Variants in MRTFA observed in about 807,000 individuals in gnomAD.
MRTFA encodes myocardin-related transcription factor A.
In MRTFA, 20 loss-of-function variants were observed where a neutral mutation model predicts 83.5. The ratio of observed to expected loss-of-function variants is 0.24; its 90% CI spans 0.17 to 0.35. The LOEUF (loss-of-function observed/expected upper bound fraction) is 0.35. Among genes scored for constraint, MRTFA ranks in the 10% least tolerant of loss-of-function variants. The pLI is 1.00. For missense variants in MRTFA, 1,200 were observed against 1,224.7 expected (o/e 0.98, Z 0.30); for synonymous variants, 659 against 541.2 (o/e 1.22, Z -3.02).
chr22:40,603,750 T>C (rs2056285865), intron 1 of MRTFA, among the ~76,000 whole-genome samples: 1 of 151,490 alleles, frequency 6.6e-6, no homozygotes, highest in South Asian at 2.1e-4. Flanking sequence ...TGGTCACATG[T>C]TGAAAAAAAA....
At chr22:40,487,759 G>A (rs1404890928) in intron 3 of MRTFA, among the ~76,000 whole-genome samples, 2 of 152,198 alleles carry the variant, frequency 1.3e-5, no homozygotes, top group Admixed American at 6.5e-5. Flanking sequence ...AATCGTTAAT[G>A]AGACTGAATA....
intron 3 of MRTFA, among the ~76,000 whole-genome samples, chr22:40,490,608 AAAAAG>A (rs994969123): frequency 2.6e-4 from 40 of 152,016 alleles, no homozygotes; most frequent in African/African-American, 4.8e-4. Context: ...CAAAAAAAAA[AAAAAG>A]AAAAGAAAAG....
intron 3 of MRTFA, among the ~76,000 whole-genome samples, chr22:40,496,313 T>G (rs1602336509): frequency 2.0e-5 from 3 of 150,642 alleles, no homozygotes; most frequent in African/African-American, 7.3e-5. Context: ...AAATTTGAGC[T>G]GTTGTCCTCA....
chr22:40,496,376 G>A (rs976588553), intron 3 of MRTFA, among the ~76,000 whole-genome samples: 1 of 145,048 alleles, frequency 6.9e-6, no homozygotes, highest in Admixed American at 6.9e-5. Context: ...ACAGGAGAGA[G>A]TAGAAGCACA....
intron 3 of MRTFA, among the ~76,000 whole-genome samples, chr22:40,494,196 AAAAAT>A (rs1233980936): frequency 6.6e-6 from 1 of 152,208 alleles, no homozygotes; most frequent in African/African-American, 2.4e-5. Context: ...TCTCTGAAAT[AAAAAT>A]AAACTCAAAT....
intron 7 of MRTFA, chr22:40,429,275 T>G (rs935698140): frequency 3.3e-6 from 2 of 599,406 alleles, no homozygotes; most frequent in African/African-American, 3.7e-5. Context: ...TCCTGGCATC[T>G]CCACATGTTC....
chr22:40,519,968 T>C (rs987872574), intron 3 of MRTFA, among the ~76,000 whole-genome samples: 1 of 152,246 alleles, frequency 6.6e-6, no homozygotes, highest in African/African-American at 2.4e-5. Flanking sequence ...TGAACTTCAA[T>C]TCAGACACAA....
At chr22:40,477,696 C>A (rs1569287552) in intron 3 of MRTFA, among the ~76,000 whole-genome samples, 1 of 151,174 alleles carries the variant, frequency 6.6e-6, no homozygotes, top group Non-Finnish European at 1.5e-5. Context: ...ATTTATTCTG[C>A]AAGGTAAAAT....
chr22:40,597,644 C>G (rs146571872), intron 1 of MRTFA, among the ~76,000 whole-genome samples: 184 of 152,274 alleles, frequency 1.2e-3, no homozygotes, highest in African/African-American at 4.2e-3. Context: ...AAAACAGCAG[C>G]CTTTTCTCTG....
intron 4 of MRTFA, among the ~76,000 whole-genome samples, chr22:40,459,792 C>G (rs1403294218): frequency 9.4e-6 from 1 of 106,772 alleles, no homozygotes; most frequent in African/African-American, 4.0e-5. Context: ...TACACACACA[C>G]ACACACACAC....
intron 3 of MRTFA, among the ~76,000 whole-genome samples, chr22:40,500,508 GTC>G (rs1408025933): frequency 6.6e-6 from 1 of 150,654 alleles, no homozygotes; most frequent in African/African-American, 2.4e-5. Flanking sequence ...GTGAACAAAG[GTC>G]TCTGGTTTTC....
chr22:40,499,853 T>C (rs2054426057), intron 3 of MRTFA, among the ~76,000 whole-genome samples: 1 of 151,618 alleles, frequency 6.6e-6, no homozygotes, highest in African/African-American at 2.4e-5. Context: ...GGTGTGACAC[T>C]TCAGCCCAAA....
chr22:40,521,540 C>T (rs2054866906), intron 3 of MRTFA, among the ~76,000 whole-genome samples: 1 of 150,702 alleles, frequency 6.6e-6, no homozygotes, highest in Non-Finnish European at 1.5e-5. Context: ...ACTCTGTCAC[C>T]CAGGCTGGAA....
At chr22:40,504,032 T>C (rs2054540422) in intron 3 of MRTFA, among the ~76,000 whole-genome samples, 1 of 152,202 alleles carries the variant, frequency 6.6e-6, no homozygotes, top group African/African-American at 2.4e-5. Flanking sequence ...ATTTCACAGC[T>C]TTAAATGTAA....
chr22:40,520,700 C>G (rs2054851281), intron 3 of MRTFA, among the ~76,000 whole-genome samples: 1 of 152,234 alleles, frequency 6.6e-6, no homozygotes, highest in Non-Finnish European at 1.5e-5. Context: ...AGCCACCACA[C>G]AAGGCCAAGG....
At chr22:40,593,714 T>C (rs1195522942) in intron 2 of MRTFA, among the ~76,000 whole-genome samples, 1 of 152,196 alleles carries the variant, frequency 6.6e-6, no homozygotes. Context: ...ACTAATCTCT[T>C]CTTTGTGACT....
intron 3 of MRTFA, among the ~76,000 whole-genome samples, chr22:40,469,748 TAA>T (rs1196853858): frequency 6.6e-6 from 1 of 152,094 alleles, no homozygotes; most frequent in Non-Finnish European, 1.5e-5. Context: ...TTAAAAGGAT[TAA>T]AATCATTCTG....
chr22:40,426,220 G>C (rs1040746095), intron 7 of MRTFA, among the ~76,000 whole-genome samples: 7 of 152,026 alleles, frequency 4.6e-5, no homozygotes, highest in Admixed American at 6.6e-5. Flanking sequence ...ACTCATCTGA[G>C]CCAAACTTCC....
In MRTFA at chr22:40,419,104, C is replaced by T; in HGVS notation, c.1634G>A (p.Gly545Asp). 1 of 1,594,890 alleles carries T rather than the reference C, an allele frequency of 6.3e-7. No homozygotes were observed. The highest frequency in any genetic ancestry group is 1.1e-5 in the South Asian group (1 of 88,924). Reference sequence around the variant, plus strand: ...CACGGGGGGCGTGGAGCCCGTGCTGCCAAACTTCACCACCCCACTGCTGGC... The same window carrying T: ...CACGGGGGGCGTGGAGCCCGTGCTGTCAAACTTCACCACCCCACTGCTGGC... The change falls in exon 12 of 15, where the codon GGC (glycine) becomes GAC (aspartate). Residue 545 changes from glycine (G) to aspartate (D), a missense_variant. Physicochemically the swap from Gly to Asp is moderately conservative, Grantham distance 94. This residue lies in a region of MRTFA where 1,107 missense variants were observed against 1,041.8 expected (regional missense o/e 1.06). Coordinates refer to ENST00000355630, the MANE Select transcript of MRTFA (RefSeq NM_020831.6).
Sources: allele counts gnomAD v4.1 joint callset (sites outside exome capture counted in the v4.1 genomes callset), GRCh38; gene constraint gnomAD v4.1.1; regional missense constraint gnomAD v4.1.1; transcripts MANE v1.5; gene names NCBI Gene and HGNC (gene_info 2026-07-23, HGNC 2026-07-21).